WDHD1: variants seen among roughly 807,000 people sequenced by gnomAD.
The protein encoded by WDHD1 is WD repeat and HMG-box DNA-binding protein 1.
Under a neutral mutation model 135.4 loss-of-function variants are expected in WDHD1, and 111 were observed. That is an observed-to-expected ratio of 0.82 (90% confidence interval 0.70 to 0.96). WDHD1 has a LOEUF of 0.96. Ranked by LOEUF, WDHD1 falls within the 40% of genes least tolerant of loss-of-function variation. The pLI, the probability that WDHD1 is intolerant of heterozygous loss-of-function variation, is 0.00. For synonymous variants in WDHD1, 434 were observed against 439.0 expected, an observed-to-expected ratio of 0.99 and a Z score of 0.14; for missense variants, 1,351 against 1,336.3, an observed-to-expected ratio of 1.01 and a Z score of -0.17.
intron 11 of WDHD1, among the ~76,000 whole-genome samples, chr14:54,993,740 TCTCA>T (rs199879918): frequency 0.016 from 2,165 of 133,228 alleles, 21 homozygotes; most frequent in African/African-American, 0.045. Flanking sequence ...ATGCCACTCT[TCTCA>T]CTAATTTTTT....
In WDHD1 at chr14:54,962,972, G is replaced by A. The variant is rs1407398424; in HGVS notation, c.2511C>T (p.Phe837=). ...CTTACCCAGCATTCAGCTTTTTTCT[G>A]AAATCTTCTTCTTCTTCTTCCTCTT... ...QVEEEEEEED[F]RKKLNAGYSN... is the part of the protein sequence containing the mutation. Residue 837 remains phenylalanine, a synonymous_variant, in exon 19 of 26, where the codon TTC becomes TTT. Transcript: ENST00000360586. The A allele has an allele frequency of 1.9e-6, 3 of 1,613,664 alleles. No individual in the cohort carries two copies. The African/African-American group carries it at 4.0e-5, about 22-fold the overall frequency.
At chr14:54,988,729 A>C (rs1373841168) in intron 13 of WDHD1, among the ~76,000 whole-genome samples, 3 of 125,716 alleles carry the variant, frequency 2.4e-5, no homozygotes, top group African/African-American at 1.1e-4. Flanking sequence ...TATTACTCTT[A>C]TAATAGTAAA....
At chr14:54,986,102 T>C (rs1430995477) in intron 14 of WDHD1, among the ~76,000 whole-genome samples, 1 of 152,146 alleles carries the variant, frequency 6.6e-6, no homozygotes, top group Non-Finnish European at 1.5e-5. Context: ...GACACTGAGA[T>C]GTATTTAAAG....
At chr14:55,017,961 A>G (rs1482294221) in intron 2 of WDHD1, among the ~76,000 whole-genome samples, 4 of 152,154 alleles carry the variant, frequency 2.6e-5, no homozygotes, top group Non-Finnish European at 5.9e-5. Flanking sequence ...TGATATACAG[A>G]AAAACTACTA....
intron 21 of WDHD1, among the ~76,000 whole-genome samples, chr14:54,959,220 CA>C (rs2041208354): frequency 6.6e-6 from 1 of 151,734 alleles, no homozygotes; most frequent in Non-Finnish European, 1.5e-5. Context: ...CAAAAAACAA[CA>C]AAACAAAAAA....
At chr14:55,001,427 A>AT (rs968543542) in intron 8 of WDHD1, among the ~76,000 whole-genome samples, 17 of 151,662 alleles carry the variant, frequency 1.1e-4, no homozygotes, top group Non-Finnish European at 1.0e-4. Context: ...CACATGGCTA[A>AT]TTTTTTAGTA....
intron 13 of WDHD1, 115 bp from the exon 14 acceptor site, chr14:54,987,502 A>G (rs2041713513): frequency 1.1e-6 from 1 of 878,324 alleles, no homozygotes; most frequent in South Asian, 2.7e-5. Flanking sequence ...TTCCTATTAT[A>G]CACTAGTATA....
At chr14:54,965,614 C>T (rs1476309355) in intron 18 of WDHD1, among the ~76,000 whole-genome samples, 1 of 152,052 alleles carries the variant, frequency 6.6e-6, no homozygotes, top group African/African-American at 2.4e-5. Context: ...GGGAAGTAGC[C>T]CTAGAGATGT....
At chr14:55,003,709 G>A (rs999214221) in intron 7 of WDHD1, among the ~76,000 whole-genome samples, 4 of 151,348 alleles carry the variant, frequency 2.6e-5, no homozygotes, top group African/African-American at 7.3e-5. Flanking sequence ...GACTACAGGC[G>A]CACACCACCA....
At chr14:54,982,261 A>G (rs1335837450) in intron 15 of WDHD1, among the ~76,000 whole-genome samples, 1 of 152,028 alleles carries the variant, frequency 6.6e-6, no homozygotes, top group Non-Finnish European at 1.5e-5. Context: ...CACCCGCCTC[A>G]GCCTCCCAAA....
chr14:54,984,369 C>T (rs2041664760), intron 15 of WDHD1, among the ~76,000 whole-genome samples: 1 of 152,142 alleles, frequency 6.6e-6, no homozygotes, highest in African/African-American at 2.4e-5. Context: ...GTGGCACATG[C>T]CTGTAGTCCC....
Position 54,941,078 on chromosome 14 carries a change from A to G in WDHD1, c.*412T>C, listed in dbSNP as rs938830123. The G allele has an allele frequency of 1.9e-5, 3 of 155,820 alleles. No individual in the cohort carries two copies. The highest frequency in any genetic ancestry group is 7.2e-5 in the African/African-American group (3 of 41,506). 9.7% of individuals were successfully genotyped at this position (155,820 alleles called of 1,614,324 possible). On this transcript the variant is annotated 3_prime_UTR_variant, in exon 26 of 26. Coordinates refer to ENST00000360586, the MANE Select transcript of WDHD1 (RefSeq NM_007086.4). ...CTAGTAGAAACATATAGAGAAGTCT[A>G]TGCTAACACACTTGGAAAGAGGACT...
chr14:55,026,989 T>G, intron 1 of WDHD1, 39 bp downstream of exon 1: 1 of 577,874 alleles, frequency 1.7e-6, no homozygotes, highest in Non-Finnish European at 3.1e-6. Flanking sequence ...GGAACACGCA[T>G]CTCCTTGGTG....
chr14:54,999,585 T>A (rs1388571558), intron 10 of WDHD1, among the ~76,000 whole-genome samples: 1 of 152,160 alleles, frequency 6.6e-6, no homozygotes, highest in Non-Finnish European at 1.5e-5. Flanking sequence ...ATCCTTCTAT[T>A]TTCTAGCCTC....
Position 54,987,461 on chromosome 14 carries a change from T to C in WDHD1, c.1527-74A>G, listed in dbSNP as rs990221876. The C allele has an allele frequency of 3.3e-6, 4 of 1,219,422 alleles. No individual in the cohort carries two copies. The African/African-American group carries it at 6.4e-5, about 19-fold the overall frequency. 75.5% of individuals were successfully genotyped at this position (1,219,422 alleles called of 1,614,324 possible). A position where few individuals can be genotyped will look rare whatever the true frequency, so the allele number is the denominator to read the frequency against. ...ACATATATATATATATAAGCAATCATGATATTCAACAAAAAAACCAAATAG... is the reference window on the plus strand; with the variant it reads ...ACATATATATATATATAAGCAATCACGATATTCAACAAAAAAACCAAATAG... On this transcript the variant is annotated intron_variant, in intron 13 of 25. Coordinates refer to ENST00000360586, the MANE Select transcript of WDHD1 (RefSeq NM_007086.4).
At chr14:55,026,202 C>CA (rs1409445378) in intron 2 of WDHD1, among the ~76,000 whole-genome samples, 1 of 151,896 alleles carries the variant, frequency 6.6e-6, no homozygotes, top group Non-Finnish European at 1.5e-5. Context: ...GGAAGCCGTG[C>CA]AATCGAGCAG....
chr14:54,963,137 C>T lies in WDHD1; in HGVS notation c.2346G>A (p.Val782=). Reference sequence around the variant, plus strand: ...TTTGAGTCATTAGATCAGCAAGTTCCACACAACGGAATTCTCGCTCCAGTT... The same window carrying T: ...TTTGAGTCATTAGATCAGCAAGTTCTACACAACGGAATTCTCGCTCCAGTT... ...SCKLEREFRC[V]ELADLMTQNA... The change falls in exon 19 of 26, where the codon GTG becomes GTA. Residue 782 remains valine (V), a synonymous_variant. Coordinates refer to ENST00000360586, the MANE Select transcript of WDHD1 (RefSeq NM_007086.4). 1 of 1,579,566 alleles carries T rather than the reference C, an allele frequency of 6.3e-7. No homozygotes were observed. Among genetic ancestry groups the T allele is most frequent in the Non-Finnish European group, 8.6e-7 (1 of 1,163,594 alleles).
chr14:54,943,431 G>A (rs1326612190), intron 25 of WDHD1, among the ~76,000 whole-genome samples: 1 of 152,062 alleles, frequency 6.6e-6, no homozygotes, highest in Non-Finnish European at 1.5e-5. Flanking sequence ...GTCTCACTCT[G>A]TCACCCATGC....
chr14:55,024,141 A>T lies in WDHD1; in HGVS notation c.77+2570T>A, dbSNP rs116577421. 9.5e-3 allele frequency among the ~76,000 whole-genome samples: 1,446 copies of T among 152,352 alleles called. 21 individuals carry two copies. Among genetic ancestry groups the T allele is most frequent in the African/African-American group, 0.034 (1,393 of 41,574 alleles). Reference sequence around the variant, plus strand: ...GAAAAAAATCCACGTATAAGTAGACATACACAATTCAAATTCATGTTAAGG... The same window carrying T: ...GAAAAAAATCCACGTATAAGTAGACTTACACAATTCAAATTCATGTTAAGG... On this transcript the variant is annotated intron_variant, in intron 2 of 25. Coordinates refer to ENST00000360586, the MANE Select transcript of WDHD1 (RefSeq NM_007086.4).
Sources: allele counts gnomAD v4.1 joint callset (sites outside exome capture counted in the v4.1 genomes callset), GRCh38; gene constraint gnomAD v4.1.1; transcripts MANE v1.5; gene names NCBI Gene and HGNC (gene_info 2026-07-23, HGNC 2026-07-21).